CAST: variants seen among roughly 807,000 people sequenced by gnomAD.
CAST encodes calpastatin.
A neutral mutation model predicts 119.6 loss-of-function variants in CAST; 76 were observed. The ratio of observed to expected loss-of-function variants is 0.64; its 90% CI spans 0.53 to 0.77. The LOEUF is 0.77. Ranked by LOEUF, CAST falls within the 30% of genes least tolerant of loss-of-function variation. CAST has a pLI of 0.00. For missense variants in CAST, 953 were observed against 946.5 expected (o/e 1.01, Z -0.09); for synonymous variants, 319 against 331.6 (o/e 0.96, Z 0.41).
At chr5:96,675,832 C>G (rs1750640498) in intron 2 of CAST, 3 of 415,756 alleles carry the variant, frequency 7.2e-6, no homozygotes, top group African/African-American at 6.2e-5. Flanking sequence ...AGTAATAGAA[C>G]TTTGTTGCTT....
At chr5:96,208,364 C>A in the CAST span, among the ~76,000 whole-genome samples, 4 of 151,692 alleles carry the variant, frequency 2.6e-5, no homozygotes, top group African/African-American at 9.7e-5. Context: ...GTTCTGTTAG[C>A]TTTAGGATTG....
chr5:96,767,756 C>A (rs1293758969), intron 28 of CAST, 151 bp from the exon 29 acceptor site: 1 of 623,478 alleles, frequency 1.6e-6, no homozygotes, highest in Non-Finnish European at 2.9e-6. Flanking sequence ...GTTTTTCTAT[C>A]TCCTTTACAA....
chr5:96,631,857 T>C (rs1365009484), intron 1 of CAST, among the ~76,000 whole-genome samples: 1 of 152,074 alleles, frequency 6.6e-6, no homozygotes, highest in East Asian at 1.9e-4. Context: ...CTCAGGTATA[T>C]ATTTAGGAGT....
chr5:96,175,628 T>C, the CAST span, among the ~76,000 whole-genome samples: 2 of 152,212 alleles, frequency 1.3e-5, no homozygotes, highest in African/African-American at 4.8e-5. Context: ...GTGATGTCCT[T>C]TCTAAAAGCG....
chr5:96,232,819 A>C, the CAST span, among the ~76,000 whole-genome samples: 2 of 152,186 alleles, frequency 1.3e-5, no homozygotes, highest in Admixed American at 6.5e-5. Context: ...ATGTTCATGG[A>C]TAGAGAGATT....
At chr5:96,119,892 A>G in the CAST span, among the ~76,000 whole-genome samples, 1 of 152,168 alleles carries the variant, frequency 6.6e-6, no homozygotes, top group African/African-American at 2.4e-5. Flanking sequence ...CAGCAAAATA[A>G]TCTCCACGGC....
the CAST span, among the ~76,000 whole-genome samples, chr5:96,073,089 A>G: frequency 6.6e-5 from 10 of 152,240 alleles, no homozygotes; most frequent in Non-Finnish European, 1.5e-4. Flanking sequence ...AAAGTTTTTC[A>G]TTTAAGTCTG....
the CAST span, among the ~76,000 whole-genome samples, chr5:96,128,945 G>A: frequency 6.6e-6 from 1 of 152,072 alleles, no homozygotes; most frequent in African/African-American, 2.4e-5. Context: ...CAGTGATTGA[G>A]CTTCAGTTAG....
At chr5:96,277,694 G>A in the CAST span, among the ~76,000 whole-genome samples, 1 of 151,990 alleles carries the variant, frequency 6.6e-6, no homozygotes, top group Non-Finnish European at 1.5e-5. Context: ...CTAAAGGGAT[G>A]TGAGTGTGTG....
chr5:96,175,428 A>G, the CAST span, among the ~76,000 whole-genome samples: 1 of 152,248 alleles, frequency 6.6e-6, no homozygotes, highest in Admixed American at 6.5e-5. Context: ...CTCTGGAGGT[A>G]TAAAGAACTA....
At chr5:96,095,416 A>C in the CAST span, among the ~76,000 whole-genome samples, 3 of 151,890 alleles carry the variant, frequency 2.0e-5, no homozygotes, top group African/African-American at 7.3e-5. Flanking sequence ...ATAAGAAAAA[A>C]AAAACAATTA....
chr5:96,695,914 G>T lies in CAST; in HGVS notation c.210+7G>T. 1.2e-6 allele frequency: 2 copies of T among 1,607,356 alleles called. No homozygotes were observed. Among genetic ancestry groups the T allele is most frequent in the South Asian group, 2.2e-5 (2 of 90,436 alleles). On this transcript the variant is annotated splice_region_variant and intron_variant, in intron 3 of 31. Transcript: ENST00000675179. ...AACAGCCTCGGCCACCAAGGTCAGTGATTTCCTGAACACGAAAAGACCCCT... is the reference window on the plus strand; with the variant it reads ...AACAGCCTCGGCCACCAAGGTCAGTTATTTCCTGAACACGAAAAGACCCCT...
intron 1 of CAST, among the ~76,000 whole-genome samples, chr5:96,544,839 A>AC (rs1554066876): frequency 6.6e-6 from 1 of 150,770 alleles, no homozygotes; most frequent in African/African-American, 2.4e-5. Flanking sequence ...TAAAAAAAAA[A>AC]CACAACTATA....
rs373775767 is a variant in CAST at position 96,576,686 on chromosome 5, AT to A, written c.60+46814del. ...TTTTCATATTTTTTATTATGAATTC[AT>A]TTTTTTTAAATGTTGTAGGGCTATT... On this transcript the variant is annotated intron_variant, in intron 1 of 11. Coordinates refer to the CAST transcript ENST00000505143. Among the ~76,000 whole-genome samples the A allele has an allele frequency of 1.0e-3, 155 of 151,680 alleles. 1 individual carries two copies. Among genetic ancestry groups the A allele is most frequent in the African/African-American group, 3.2e-3 (134 of 41,342 alleles).
chr5:96,170,652 C>T, the CAST span, among the ~76,000 whole-genome samples: 1 of 152,140 alleles, frequency 6.6e-6, no homozygotes. Flanking sequence ...GGGTCTAGGG[C>T]TGTAAAGCGT....
At chr5:96,539,899 T>A (rs1384218107) in intron 1 of CAST, among the ~76,000 whole-genome samples, 1 of 152,182 alleles carries the variant, frequency 6.6e-6, no homozygotes. Context: ...GGGCAATCTG[T>A]CCTTAGTTTA....
chr5:96,765,145 A>G (rs1769396117), intron 25 of CAST, 76 bp from the exon 26 acceptor site: 1 of 824,838 alleles, frequency 1.2e-6, no homozygotes, highest in East Asian at 2.5e-5. Context: ...TCCTGAAAAG[A>G]TGGAGTTCCT....
the CAST span, among the ~76,000 whole-genome samples, chr5:96,021,520 A>G: frequency 6.6e-6 from 1 of 151,754 alleles, no homozygotes; most frequent in Non-Finnish European, 1.5e-5. Context: ...ATCTCTGCTC[A>G]CTGCAAGCTC....
Position 96,741,556 on chromosome 5 carries a change from A to G in CAST, c.1074A>G (p.Gln358=), listed in dbSNP as rs1267334651. The change falls in exon 15 of 32, where the codon CAA becomes CAG. Residue 358 remains glutamine (Q), a synonymous_variant. Transcript: ENST00000675179. ...CAGTCAGAAGTGCTGCTCCACCCCA[A>G]GAGAAGAAAAGAAAGGTGGAGAAGG... ...AGTVRSAAPP[Q]EKKRKVEKDT... is the part of the protein sequence containing the mutation. 8 of 1,613,152 alleles carry G rather than the reference A, an allele frequency of 5.0e-6. No individual in the cohort carries two copies. The Admixed American group carries it at 1.0e-4, about 20-fold the overall frequency.
Sources: gnomAD v4.1 joint callset for allele counts (sites outside exome capture counted in the v4.1 genomes callset) on GRCh38, gnomAD v4.1.1 for gene constraint, MANE v1.5 for transcripts, NCBI Gene and HGNC (gene_info 2026-07-23, HGNC 2026-07-21) for gene names.